The following NAV3 variants were observed in gnomAD, a reference collection of about 807,000 sequenced individuals.
NAV3 encodes neuron navigator 3.
A neutral mutation model predicts 244.7 loss-of-function variants in NAV3; 87 were observed. That is an observed-to-expected ratio of 0.36 (90% confidence interval 0.30 to 0.42). The LOEUF (loss-of-function observed/expected upper bound fraction) is 0.42. Ranked by LOEUF, NAV3 falls within the 20% of genes least tolerant of loss-of-function variation. The pLI, the probability that NAV3 is intolerant of heterozygous loss-of-function variation, is 1.00. For missense variants in NAV3, 2,663 were observed against 2,893.3 expected, an observed-to-expected ratio of 0.92 and a Z score of 1.83; for synonymous variants, 1,126 against 1,042.2, an observed-to-expected ratio of 1.08 and a Z score of -1.55.
chr12:78,049,153 G>A (rs1251459355), intron 9 of NAV3, among the ~76,000 whole-genome samples: 1 of 152,184 alleles, frequency 6.6e-6, no homozygotes, highest in African/African-American at 2.4e-5. Context: ...AGCTTGCTGG[G>A]CTCCACAGGG....
At chr12:77,610,869 G>T (rs1296076901) in intron 2 of NAV3, among the ~76,000 whole-genome samples, 6 of 151,766 alleles carry the variant, frequency 4.0e-5, no homozygotes, top group African/African-American at 1.5e-4. Flanking sequence ...GTTTGATGAA[G>T]ATGTGTGTGA....
At position 78,006,655 on chromosome 12, in the gene NAV3, G is replaced by T; in HGVS notation, c.1117G>T (p.Gly373Trp). 1 of 1,614,124 alleles carries T rather than the reference G, an allele frequency of 6.2e-7. No homozygotes were observed. Among genetic ancestry groups the T allele is most frequent in the Admixed American group, 1.7e-5 (1 of 60,012 alleles). ...SDRLKPPVSE[G>W]VKTAPSGQKS... is the part of the protein sequence containing the mutation. ...CAGACTGAAGCCACCTGTCTCAGAAGGGGTCAAAACTGCTCCCTCAGGACA... is the reference window on the plus strand; with the variant it reads ...CAGACTGAAGCCACCTGTCTCAGAATGGGTCAAAACTGCTCCCTCAGGACA... Residue 373 changes from glycine (G) to tryptophan (W), a missense_variant, in exon 8 of 40, where the codon GGG (glycine) becomes TGG (tryptophan). Transcript: ENST00000397909.
chr12:77,638,861 A>G (rs1355433285), intron 2 of NAV3, among the ~76,000 whole-genome samples: 1 of 152,190 alleles, frequency 6.6e-6, no homozygotes, highest in East Asian at 1.9e-4. Context: ...TTTGCCTTAA[A>G]TGTGCTTTCT....
intron 39 of NAV3, among the ~76,000 whole-genome samples, chr12:78,205,380 C>A (rs1224116690): frequency 2.6e-5 from 4 of 151,946 alleles, no homozygotes; most frequent in African/African-American, 9.7e-5. Context: ...TAATGTTTCT[C>A]TTATTATGCA....
At chr12:77,827,771 A>G (rs1873165420), upstream of NAV3, among the ~76,000 whole-genome samples, 1 of 152,120 alleles carries the variant, frequency 6.6e-6, no homozygotes, top group Non-Finnish European at 1.5e-5. Context: ...TTTAATTCTC[A>G]CAGCACCCCT....
intron 2 of NAV3, among the ~76,000 whole-genome samples, chr12:77,749,971 A>G (rs1868757700): frequency 1.3e-5 from 2 of 152,224 alleles, no homozygotes; most frequent in Non-Finnish European, 2.9e-5. Flanking sequence ...CTAGAGAGAT[A>G]TATTTCAGGT....
chr12:77,681,151 CT>C (rs1254421924), intron 2 of NAV3, among the ~76,000 whole-genome samples: 1 of 152,150 alleles, frequency 6.6e-6, no homozygotes, highest in African/African-American at 2.4e-5. Context: ...CCTATTACAT[CT>C]TTTAATTTTG....
At chr12:78,181,709 A>G (rs1176604841) in intron 30 of NAV3, among the ~76,000 whole-genome samples, 10 of 152,092 alleles carry the variant, frequency 6.6e-5, no homozygotes, top group Non-Finnish European at 1.5e-4. Context: ...TAATATTTAC[A>G]TGAGGATCTA....
intron 2 of NAV3, among the ~76,000 whole-genome samples, chr12:77,811,342 G>T (rs903789252): frequency 1.3e-5 from 2 of 152,126 alleles, no homozygotes; most frequent in African/African-American, 4.8e-5. Context: ...AATCTAGTTG[G>T]AATGACTAAT....
At chr12:77,956,015 G>T (rs558770339) in intron 3 of NAV3, among the ~76,000 whole-genome samples, 16 of 152,080 alleles carry the variant, frequency 1.1e-4, no homozygotes, top group Admixed American at 6.6e-5. Flanking sequence ...TTAGGGCTTG[G>T]AAATGTCTTG....
At chr12:78,090,885 TA>T (rs1352382236) in intron 12 of NAV3, among the ~76,000 whole-genome samples, 1 of 151,726 alleles carries the variant, frequency 6.6e-6, no homozygotes, top group African/African-American at 2.4e-5. Context: ...TTCAAACTCT[TA>T]ACAGTAAAAG....
At position 78,177,698 on chromosome 12, in the gene NAV3, G is replaced by A. The variant is rs774647714; in HGVS notation, c.5363+13G>A. On this transcript the variant is annotated intron_variant, in intron 28 of 39. Transcript: ENST00000397909. The stretch of plus-strand genomic sequence containing the variant: ...AGCATAGATCTCGGTAAAGTGGAGT[G>A]CGATGCATGAATACTGCAAAGATCC... The A allele has an allele frequency of 1.9e-6, 3 of 1,596,252 alleles. No individual in the cohort carries two copies. The highest frequency in any genetic ancestry group is 1.7e-4 in the Middle Eastern group (1 of 6,050).
At chr12:77,855,615 A>G (rs1307731569) in intron 1 of NAV3, among the ~76,000 whole-genome samples, 3 of 152,260 alleles carry the variant, frequency 2.0e-5, no homozygotes, top group African/African-American at 7.2e-5. Context: ...GAGCAATAGA[A>G]TGCAGTTGAA....
chr12:78,073,987 A>G (rs1469826584), intron 12 of NAV3, among the ~76,000 whole-genome samples: 1 of 152,226 alleles, frequency 6.6e-6, no homozygotes, highest in East Asian at 1.9e-4. Context: ...TGCTTCTGAA[A>G]CTGTACAAAT....
At chr12:77,883,265 A>G (rs1437895865) in intron 1 of NAV3, among the ~76,000 whole-genome samples, 1 of 152,288 alleles carries the variant, frequency 6.6e-6, no homozygotes, top group East Asian at 1.9e-4. Context: ...TGCTGCTATA[A>G]AAAGAACAAA....
chr12:77,614,041 G>A (rs972682578), intron 2 of NAV3, among the ~76,000 whole-genome samples: 3 of 147,352 alleles, frequency 2.0e-5, no homozygotes, highest in African/African-American at 5.0e-5. Flanking sequence ...TTCTAGCAAC[G>A]CCTCTTTGAC....
intron 2 of NAV3, among the ~76,000 whole-genome samples, chr12:77,794,861 A>C (rs1015552959): frequency 6.6e-6 from 1 of 152,222 alleles, no homozygotes; most frequent in African/African-American, 2.4e-5. Flanking sequence ...CTTAATTGAT[A>C]GATGCTGTGT....
At chr12:77,937,810 G>A (rs546669045) in intron 1 of NAV3, among the ~76,000 whole-genome samples, 1 of 152,148 alleles carries the variant, frequency 6.6e-6, no homozygotes, top group East Asian at 1.9e-4. Flanking sequence ...TTGTTGGAAA[G>A]CTATCACAGC....
At chr12:78,003,942 G>A (rs949719097) in intron 7 of NAV3, among the ~76,000 whole-genome samples, 10 of 152,190 alleles carry the variant, frequency 6.6e-5, no homozygotes, top group Non-Finnish European at 1.3e-4. Flanking sequence ...TGCTCACCAA[G>A]GAAGAAGGAA....
Sources: allele counts gnomAD v4.1 joint callset (sites outside exome capture counted in the v4.1 genomes callset), GRCh38; gene constraint gnomAD v4.1.1; transcripts MANE v1.5; gene names NCBI Gene and HGNC (gene_info 2026-07-23, HGNC 2026-07-21).